The following NEIL3 variants were observed in gnomAD, a reference collection of about 807,000 sequenced individuals.
NEIL3 encodes the protein endonuclease 8-like 3.
In NEIL3, 48 loss-of-function variants were observed where a neutral mutation model predicts 57.5. That is an observed-to-expected ratio of 0.83 (90% CI 0.66 to 1.06). The LOEUF (loss-of-function observed/expected upper bound fraction) is 1.06. Among genes scored for constraint, NEIL3 ranks in the 50% least tolerant of loss-of-function variants. NEIL3 has a pLI of 0.00. For missense variants in NEIL3, 717 were observed against 739.1 expected (o/e 0.97, Z 0.35); for synonymous variants, 261 against 253.2 (o/e 1.03, Z -0.29).
rs180840278 is a variant in NEIL3 at position 177,318,397 on chromosome 4, G to C, written c.157-4062G>C. Among the ~76,000 whole-genome samples the C allele has an allele frequency of 1.1e-3, 161 of 152,272 alleles. 1 individual carries two copies. The highest frequency in any genetic ancestry group is 3.7e-3 in the African/African-American group (154 of 41,556). On this transcript the variant is annotated intron_variant, in intron 1 of 9. Coordinates refer to ENST00000264596, the MANE Select transcript of NEIL3 (RefSeq NM_018248.3). The stretch of plus-strand genomic sequence containing the variant: ...ACAAAAAATTTTACACATTATTTCT[G>C]TAAGTATTTTGGTTTGCCAGTTACA...
At chr4:177,335,519 A>G (rs372314788) in intron 2 of NEIL3, among the ~76,000 whole-genome samples, 169 bp from the exon 3 acceptor site, 2 of 152,184 alleles carry the variant, frequency 1.3e-5, no homozygotes, top group South Asian at 2.1e-4. Context: ...ATACAAAGTC[A>G]TGAGAGAAAA....
chr4:177,349,133 C>T (rs1011210721), intron 6 of NEIL3, among the ~76,000 whole-genome samples: 2 of 150,278 alleles, frequency 1.3e-5, no homozygotes, highest in East Asian at 2.0e-4. Context: ...CCACACGTCT[C>T]GGCCTCCCAA....
chr4:177,346,857 G>T (rs542471884), intron 6 of NEIL3, among the ~76,000 whole-genome samples: 3 of 152,044 alleles, frequency 2.0e-5, no homozygotes, highest in Non-Finnish European at 4.4e-5. Flanking sequence ...AAATTAGCTG[G>T]GTGTGGTGGC....
At chr4:177,347,001 CA>C (rs11323162) in intron 6 of NEIL3, among the ~76,000 whole-genome samples, 78,411 of 123,190 alleles carry the variant, frequency 0.64, 23,067 homozygotes, top group Non-Finnish European at 0.67. Context: ...GACTCCGTCT[CA>C]AAAAAAAAAA....
At chr4:177,320,156 A>T (rs1179786325) in intron 1 of NEIL3, among the ~76,000 whole-genome samples, 1 of 152,176 alleles carries the variant, frequency 6.6e-6, no homozygotes, top group Admixed American at 6.5e-5. Context: ...CACTATTGTA[A>T]TCTATACTTG....
At chr4:177,335,134 T>A (rs934609317) in intron 2 of NEIL3, among the ~76,000 whole-genome samples, 4 of 152,288 alleles carry the variant, frequency 2.6e-5, no homozygotes, top group African/African-American at 9.6e-5. Context: ...TAAAAAAAAT[T>A]GTTTCATTGC....
At chr4:177,357,701 CACCT>C (rs1452525047) in intron 8 of NEIL3, among the ~76,000 whole-genome samples, 1 of 152,122 alleles carries the variant, frequency 6.6e-6, no homozygotes, top group African/African-American at 2.4e-5. Context: ...TCCATCCCAC[CACCT>C]GTTTGTGTAA....
chr4:177,339,332 C>T (rs1560914865), intron 4 of NEIL3, among the ~76,000 whole-genome samples: 1 of 152,138 alleles, frequency 6.6e-6, no homozygotes. Context: ...ATGGTCTGCG[C>T]CTGTAATCCC....
rs561048557 is a variant in NEIL3, at chr4:177,361,445, A to C, written c.1635+768A>C. ...TCTGGTGGACTTTTTGAAAGATCAA[A>C]TATCTGTCTTCAATGTGATACCTTC... On this transcript the variant is annotated intron_variant, in intron 9 of 9. Transcript: ENST00000264596. 4.7e-4 allele frequency among the ~76,000 whole-genome samples: 71 copies of C among 152,364 alleles called. 2 individuals carry two copies. Among genetic ancestry groups the C allele is most frequent in the African/African-American group, 1.6e-3 (65 of 41,592 alleles).
intron 2 of NEIL3, among the ~76,000 whole-genome samples, chr4:177,326,588 A>G (rs1734783872): frequency 6.6e-6 from 1 of 151,778 alleles, no homozygotes; most frequent in Non-Finnish European, 1.5e-5. Flanking sequence ...TGATTTCTAC[A>G]GAGTTCTTTC....
chr4:177,335,807 C>T lies in NEIL3; in HGVS notation c.398C>T (p.Ser133Leu). ...LTKDLICFFDSSVELRNSMES... is the reference protein window; with the variant it reads ...LTKDLICFFDLSVELRNSMES... ...AAAGATTTGATTTGTTTCTTTGACT[C>T]ATCAGTAGAACTCAGGTAAAAAAAA... The change falls in exon 3 of 10, where the codon TCA (serine) becomes TTA (leucine). Residue 133 changes from serine to leucine, a missense_variant. Transcript: ENST00000264596. 1 of 1,562,476 alleles carries T rather than the reference C, an allele frequency of 6.4e-7. No homozygotes were observed. Among genetic ancestry groups the T allele is most frequent in the Admixed American group, 2.0e-5 (1 of 48,912 alleles).
rs374715669 is a variant in NEIL3 at position 177,362,521 on chromosome 4, T to C, written c.*50T>C. The C allele has an allele frequency of 3.6e-6, 5 of 1,388,348 alleles. No individual in the cohort carries two copies. In the African/African-American group the frequency reaches 7.2e-5, roughly 20 times the overall value. The allele number at this position is 1,388,348 out of a possible 1,614,324, so 86.0% of individuals were successfully genotyped here. A position where few individuals can be genotyped will look rare whatever the true frequency, so the allele number is the denominator to read the frequency against. ...GTCTCTTCAAACTGTGTATAATGTT[T>C]GGTCCTCCTCTGTTTCATAGAAAAG... On this transcript the variant is annotated 3_prime_UTR_variant, in exon 10 of 10. Transcript: ENST00000264596.
At chr4:177,315,068 C>CAAA (rs61100906) in intron 1 of NEIL3, among the ~76,000 whole-genome samples, 8 of 106,464 alleles carry the variant, frequency 7.5e-5, no homozygotes, top group Non-Finnish European at 7.9e-5. Flanking sequence ...GACTCCGTCT[C>CAAA]AAAAAAAAAA....
chr4:177,353,257 A>T (rs1316362664), intron 7 of NEIL3, 51 bp from the exon 8 acceptor site: 2 of 1,405,644 alleles, frequency 1.4e-6, no homozygotes, highest in African/African-American at 2.9e-5. Flanking sequence ...TCACATAATC[A>T]GTATGTTATA....
chr4:177,358,549 C>T (rs1024850669), intron 8 of NEIL3, among the ~76,000 whole-genome samples: 2 of 152,102 alleles, frequency 1.3e-5, no homozygotes, highest in Admixed American at 6.5e-5. Context: ...TCAGGTGATC[C>T]GCCCGGCTCA....
chr4:177,323,349 A>T (rs1353618003), intron 2 of NEIL3, among the ~76,000 whole-genome samples: 1 of 152,206 alleles, frequency 6.6e-6, no homozygotes, highest in Non-Finnish European at 1.5e-5. Context: ...TACTGACCAC[A>T]GTTATCACCT....
At chr4:177,330,319 G>T (rs996463834) in intron 2 of NEIL3, among the ~76,000 whole-genome samples, 1 of 152,066 alleles carries the variant, frequency 6.6e-6, no homozygotes, top group Admixed American at 6.6e-5. Flanking sequence ...GAAAACGCCA[G>T]ATCAAAATTT....
intron 1 of NEIL3, among the ~76,000 whole-genome samples, chr4:177,315,374 C>G (rs1325305558): frequency 2.0e-5 from 3 of 152,078 alleles, no homozygotes; most frequent in East Asian, 3.9e-4. Context: ...GAAGGTGAAC[C>G]CTTCTCAATC....
rs34827916 is a variant in NEIL3 at position 177,313,701 on chromosome 4, T to C, written c.156+3592T>C. 2.4e-3 allele frequency among the ~76,000 whole-genome samples: 368 copies of C among 152,316 alleles called. 1 individual carries two copies. The highest frequency in any genetic ancestry group is 8.4e-3 in the African/African-American group (349 of 41,562). ...AACAGTTTATAAGCATTCATTTTAT[T>C]TGAAACATGGTCTGATTATTTCCAT... On this transcript the variant is annotated intron_variant, in intron 1 of 9. Transcript: ENST00000264596.
Sources: gnomAD v4.1 joint callset for allele counts (sites outside exome capture counted in the v4.1 genomes callset) on GRCh38, gnomAD v4.1.1 for gene constraint, MANE v1.5 for transcripts, NCBI Gene and HGNC (gene_info 2026-07-23, HGNC 2026-07-21) for gene names.